The following NPR1 variants were observed in gnomAD, a reference collection of about 807,000 sequenced individuals.
NPR1 encodes atrial natriuretic peptide receptor 1.
Under a neutral mutation model 116.9 loss-of-function variants are expected in NPR1, and 57 were observed. The ratio of observed to expected loss-of-function variants is 0.49; its 90% CI spans 0.39 to 0.61. The LOEUF (loss-of-function observed/expected upper bound fraction) is 0.61, where lower values mean the gene tolerates loss of function less well. NPR1 is among the 20% of genes least tolerant of loss of function. The pLI is 0.00. For missense variants in NPR1, 1,096 were observed against 1,409.8 expected (o/e 0.78, Z 3.56); for synonymous variants, 555 against 601.6 (o/e 0.92, Z 1.13).
At position 153,689,708 on chromosome 1, in the gene NPR1, T is replaced by C. The variant is rs1238893873; in HGVS notation, c.2758-98T>C. On this transcript the variant is annotated intron_variant, in intron 18 of 21. Coordinates refer to ENST00000368680, the MANE Select transcript of NPR1 (RefSeq NM_000906.4). This position sits in a 1 kb window ranked among gnomAD's most constrained non-coding sequence, Gnocchi z 5.1. ...GGGATGGGGGATGAGCAAAGACAGA[T>C]GAGGGTACAGAATGACAGACGCTGC... is the stretch of plus-strand genomic sequence containing the variant. 6 of 1,339,576 alleles carry C rather than the reference T, an allele frequency of 4.5e-6. No homozygotes were observed. Among genetic ancestry groups the C allele is most frequent in the African/African-American group, 1.5e-5 (1 of 68,854 alleles). 83.0% of individuals were successfully genotyped at this position (1,339,576 alleles called of 1,614,324 possible).
At chr1:153,682,442 G>A in intron 4 of NPR1, 56 bp from the exon 5 acceptor site, 1 of 1,269,874 alleles carries the variant, frequency 7.9e-7, no homozygotes, top group Non-Finnish European at 1.2e-6. Flanking sequence ...AGATGAAGTG[G>A]GGCACCCCTG....
At chr1:153,685,693 G>A in intron 8 of NPR1, 113 bp from the exon 9 acceptor site, 1 of 811,068 alleles carries the variant, frequency 1.2e-6, no homozygotes, top group Non-Finnish European at 2.1e-6. Flanking sequence ...AAAAGGAAGG[G>A]TGACACAAAG....
In NPR1 at chr1:153,687,697, C is replaced by T. The variant is rs555214347; in HGVS notation, c.2156C>T (p.Ala719Val). The T allele has an allele frequency of 1.7e-5, 28 of 1,607,564 alleles. 1 individual carries two copies. The South Asian group carries it at 2.9e-4, about 16-fold the overall frequency. The change falls in exon 14 of 22, where the codon GCT becomes GTT. Residue 719 changes from alanine (A) to valine (V), a missense_variant. By Grantham distance (64) the Ala-to-Val change is moderately conservative. Coordinates refer to ENST00000368680, the MANE Select transcript of NPR1 (RefSeq NM_000906.4). ...MASPPVRGSQ[A>V]GDVYSFGIIL... is the part of the protein sequence containing the mutation. The stretch of plus-strand genomic sequence containing the variant: ...TCACCCCCTGTGCGGGGCTCCCAGG[C>T]TGGTGACGTATACAGCTTTGGGATC...
At chr1:153,693,084 C>G (rs551698740) in intron 20 of NPR1, 22 bp from the exon 21 acceptor site, 2 of 1,590,916 alleles carry the variant, frequency 1.3e-6, no homozygotes, top group South Asian at 2.2e-5. Context: ...GCTCACCTTC[C>G]CTTCTCCCCT....
At chr1:153,680,041 C>G (rs1183675723) in intron 1 of NPR1, among the ~76,000 whole-genome samples, 1 of 152,024 alleles carries the variant, frequency 6.6e-6, no homozygotes, top group Non-Finnish European at 1.5e-5. Flanking sequence ...ATCCTCTCAT[C>G]TCCCCGACCC....
chr1:153,686,078 A>G, intron 9 of NPR1, 45 bp from the exon 10 acceptor site: 2 of 1,591,390 alleles, frequency 1.3e-6, no homozygotes, highest in South Asian at 1.1e-5. Flanking sequence ...TTCCCAGGAC[A>G]TGGGACCATG....
intron 19 of NPR1, 87 bp downstream of exon 19, chr1:153,690,067 CAT>C (rs1491381215): frequency 2.3e-5 from 21 of 904,300 alleles, no homozygotes; most frequent in African/African-American, 6.1e-5. Context: ...CTCGCCCTTT[CAT>C]CTCTCTCTCT....
rs1156364963 is a variant in NPR1, at chr1:153,690,108, G to GTCTCTC, written c.2933-147_2933-142dup. ...TCTCTCTCTCTCTCTCTCTCTCTCT[G>GTCTCTC]TCTCTCTCTCTCTCTCTCTCTCTCT... On this transcript the variant is annotated intron_variant, in intron 19 of 21. Coordinates refer to ENST00000368680, the MANE Select transcript of NPR1 (RefSeq NM_000906.4). 1.1e-4 allele frequency: 36 copies of GTCTCTC among 315,534 alleles called. 1 individual carries two copies. In the Admixed American group the frequency reaches 1.2e-3, roughly 10 times the overall value. 19.5% of individuals were successfully genotyped at this position (315,534 alleles called of 1,614,324 possible). A position where few individuals can be genotyped will look rare whatever the true frequency, so the allele number is the denominator to read the frequency against.
chr1:153,693,222 C>A (rs770638376), intron 21 of NPR1, 25 bp downstream of exon 21: 6 of 1,608,432 alleles, frequency 3.7e-6, no homozygotes, highest in Non-Finnish European at 1.7e-6. Flanking sequence ...CTCTGCCCTC[C>A]CCACCTTTTG....
At chr1:153,686,620 G>GCTCCTGAT (rs746119073) in intron 10 of NPR1, 26 bp from the exon 11 acceptor site, 244 of 1,600,908 alleles carry the variant, frequency 1.5e-4, no homozygotes, top group Non-Finnish European at 2.0e-4. Flanking sequence ...TCTCTGTCAA[G>GCTCCTGAT]CTCCTGATGC....
rs774871451 is a variant in NPR1 at position 153,693,251 on chromosome 1, C to A, written c.3123+54C>A. 2.5e-6 allele frequency: 4 copies of A among 1,602,130 alleles called. No individual in the cohort carries two copies. In the Admixed American group the frequency reaches 6.7e-5, roughly 27 times the overall value. The stretch of plus-strand genomic sequence containing the variant: ...CCTTTTGGGGTCCTAGAGGGAGTTA[C>A]CCTTCTCAAGCAGCCAATGCCACTC... On this transcript the variant is annotated intron_variant, in intron 21 of 21. Transcript: ENST00000368680.
In NPR1 at chr1:153,680,561, C is replaced by G; in HGVS notation, c.782C>G (p.Ala261Gly). The change falls in exon 2 of 22, where the codon GCT (alanine) becomes GGT (glycine). Residue 261 changes from alanine (A) to glycine (G), a missense_variant. Ala to Gly is a moderately conservative substitution (Grantham distance 60). Coordinates refer to ENST00000368680, the MANE Select transcript of NPR1 (RefSeq NM_000906.4). ...ACCCTCATGCTCCTGGCCCTGGAAGCTGGCTTGTGTGGGGAGGACTACGTT... is the reference window on the plus strand; with the variant it reads ...ACCCTCATGCTCCTGGCCCTGGAAGGTGGCTTGTGTGGGGAGGACTACGTT... ...FRTLMLLALE[A>G]GLCGEDYVFF... The G allele has an allele frequency of 6.2e-7, 1 of 1,614,226 alleles. No homozygotes were observed. Among genetic ancestry groups the G allele is most frequent in the South Asian group, 1.1e-5 (1 of 91,088 alleles).
intron 7 of NPR1, among the ~76,000 whole-genome samples, chr1:153,684,478 G>A (rs1329418357): frequency 3.9e-5 from 5 of 128,796 alleles, no homozygotes; most frequent in South Asian, 2.7e-4. Flanking sequence ...TGCAACCTCC[G>A]CCTCCCAGTT....
chr1:153,688,357 C>T (rs1571351432), intron 15 of NPR1, 136 bp downstream of exon 15: 1 of 842,550 alleles, frequency 1.2e-6, no homozygotes, highest in East Asian at 2.7e-5. Flanking sequence ...TCAGCTCCAG[C>T]TCAGCACAGC....
chr1:153,690,609 G>A (rs2101740465), intron 20 of NPR1, among the ~76,000 whole-genome samples: 1 of 152,074 alleles, frequency 6.6e-6, no homozygotes, highest in South Asian at 2.1e-4. Context: ...AGTATTTCCG[G>A]GCCAGTGCTG....
intron 14 of NPR1, 54 bp downstream of exon 14, chr1:153,687,843 C>G (rs1490313606): frequency 2.0e-6 from 3 of 1,525,470 alleles, no homozygotes; most frequent in Non-Finnish European, 2.7e-6. Flanking sequence ...GAACCCCAGC[C>G]CCAGGGAGAG....
Position 153,687,678 on chromosome 1 carries a change from C to A in NPR1, c.2137C>A (p.Pro713Thr), listed in dbSNP as rs139174442. Residue 713 changes from proline (P) to threonine (T), a missense_variant, in exon 14 of 22, where the codon CCT becomes ACT. Transcript: ENST00000368680. The stretch of plus-strand genomic sequence containing the variant: ...TGAGCTCCTGCGAATGGCTTCACCC[C>A]CTGTGCGGGGCTCCCAGGCTGGTGA... ...APELLRMASP[P>T]VRGSQAGDVY... is the part of the protein sequence containing the mutation. 1.2e-6 allele frequency: 2 copies of A among 1,605,138 alleles called. No homozygotes were observed. The highest frequency in any genetic ancestry group is 2.2e-5 in the East Asian group (1 of 44,562).
rs1312114001 is a variant in NPR1 at position 153,693,773 on chromosome 1, A to C, written c.*359A>C. ...TGCTACCCTGTGACTTACTGGGAGGAGAAAGAGTCACCTGAAGGGGAACAT... is the reference window on the plus strand; with the variant it reads ...TGCTACCCTGTGACTTACTGGGAGGCGAAAGAGTCACCTGAAGGGGAACAT... On this transcript the variant is annotated 3_prime_UTR_variant, in exon 22 of 22. Coordinates refer to ENST00000368680, the MANE Select transcript of NPR1 (RefSeq NM_000906.4). 5.5e-6 allele frequency: 2 copies of C among 364,480 alleles called. No individual in the cohort carries two copies. Among genetic ancestry groups the C allele is most frequent in the Non-Finnish European group, 9.9e-6 (2 of 201,370 alleles). The allele number at this position is 364,480 out of a possible 1,614,324, so 22.6% of individuals were successfully genotyped here. A position where few individuals can be genotyped will look rare whatever the true frequency, so the allele number is the denominator to read the frequency against.
intron 8 of NPR1, 96 bp from the exon 9 acceptor site, chr1:153,685,710 C>A: frequency 1.1e-6 from 1 of 915,456 alleles, no homozygotes; most frequent in Non-Finnish European, 1.8e-6. Flanking sequence ...AAAGATAAGG[C>A]AGGATAAGGC....
Sources: allele counts gnomAD v4.1 joint callset (sites outside exome capture counted in the v4.1 genomes callset), GRCh38; gene constraint gnomAD v4.1.1; non-coding constraint Gnocchi (gnomAD v3.1); transcripts MANE v1.5; gene names NCBI Gene and HGNC (gene_info 2026-07-23, HGNC 2026-07-21).